Variants in ERH observed in about 807,000 individuals in gnomAD.
The protein encoded by ERH is enhancer of rudimentary homolog.
In ERH, 1 loss-of-function variant was observed where a neutral mutation model predicts 16.8. The observed-to-expected ratio is 0.06, with a 90% CI of 0.02 to 0.28. ERH has a LOEUF of 0.28. Ranked by LOEUF, ERH falls within the 10% of genes least tolerant of loss-of-function variation. ERH has a pLI of 1.00. For missense variants in ERH, 42 were observed against 127.5 expected, an observed-to-expected ratio of 0.33 and a Z score of 3.23; for synonymous variants, 43 against 43.6, an observed-to-expected ratio of 0.99 and a Z score of 0.05.
At chr14:69,387,797 C>T (rs1313937250) in intron 2 of ERH, among the ~76,000 whole-genome samples, 1 of 151,988 alleles carries the variant, frequency 6.6e-6, no homozygotes, top group Non-Finnish European at 1.5e-5. Flanking sequence ...GTAATCCCAG[C>T]ACTTTGGGAG....
At chr14:69,385,131 G>A (rs1250937853) in intron 3 of ERH, among the ~76,000 whole-genome samples, 1 of 152,148 alleles carries the variant, frequency 6.6e-6, no homozygotes, top group Non-Finnish European at 1.5e-5. Context: ...AGTCGTTGCT[G>A]TTGTCCTCAT....
chr14:69,393,424 A>G (rs1359623650), intron 2 of ERH, among the ~76,000 whole-genome samples: 1 of 152,224 alleles, frequency 6.6e-6, no homozygotes, highest in Non-Finnish European at 1.5e-5. Context: ...ATGACTAGAC[A>G]AAGGAAATGT....
At chr14:69,383,750 A>AGG (rs2045876300) in intron 3 of ERH, among the ~76,000 whole-genome samples, 2 of 152,252 alleles carry the variant, frequency 1.3e-5, no homozygotes, top group Non-Finnish European at 2.9e-5. Context: ...GGGAAGAATT[A>AGG]TCTAGGTAAT....
chr14:69,386,650 TGGCTTTAA>T (rs2045895134), intron 3 of ERH: 2 of 203,810 alleles, frequency 9.8e-6, no homozygotes, highest in Non-Finnish European at 2.0e-5. Context: ...CCAAAACCAA[TGGCTTTAA>T]GACAAAGACT....
chr14:69,384,922 A>G (rs2045882319), intron 3 of ERH, among the ~76,000 whole-genome samples: 1 of 151,920 alleles, frequency 6.6e-6, no homozygotes, highest in Non-Finnish European at 1.5e-5. Flanking sequence ...CTCATCTCCT[A>G]CCCTCTCTTG....
At chr14:69,394,481 A>G (rs575659065) in intron 2 of ERH, among the ~76,000 whole-genome samples, 1 of 152,336 alleles carries the variant, frequency 6.6e-6, no homozygotes, top group Non-Finnish European at 1.5e-5. Context: ...CTGTAGTCCC[A>G]GCTACTTGGG....
intron 2 of ERH, among the ~76,000 whole-genome samples, chr14:69,394,014 G>T (rs545091488): frequency 4.0e-5 from 6 of 149,346 alleles, no homozygotes; most frequent in Admixed American, 4.0e-4. Flanking sequence ...GCAAGACCCC[G>T]TGTCTTAAGG....
intron 2 of ERH, among the ~76,000 whole-genome samples, chr14:69,393,552 A>G (rs993452816): frequency 2.6e-5 from 4 of 152,242 alleles, no homozygotes; most frequent in Non-Finnish European, 4.4e-5. Context: ...TCTCAAGTGA[A>G]GTAACTCAGA....
intron 2 of ERH, 136 bp downstream of exon 2, chr14:69,394,688 TC>T (rs1882295323): frequency 3.6e-6 from 2 of 559,944 alleles, no homozygotes; most frequent in Non-Finnish European, 6.3e-6. Flanking sequence ...AATTAGCAAT[TC>T]AATAAATTTG....
intron 2 of ERH, among the ~76,000 whole-genome samples, chr14:69,391,683 C>G (rs537995618): frequency 1.6e-3 from 163 of 101,760 alleles, no homozygotes; most frequent in Non-Finnish European, 2.7e-3. Flanking sequence ...AAAAAAAAAG[C>G]ATATTGCTAG....
In ERH at chr14:69,386,064, G is replaced by C. The variant is rs529765745; in HGVS notation, c.212+899C>G. Among the ~76,000 whole-genome samples, 3 of 152,300 alleles carry C rather than the reference G, an allele frequency of 2.0e-5. No individual in the cohort carries two copies. The South Asian group carries it at 6.2e-4, about 32-fold the overall frequency. Reference sequence around the variant, plus strand: ...CCTATAGATGTCTGAATGGCTTAAAGTACCATGCAACATTCATTTGAATGT... The same window carrying C: ...CCTATAGATGTCTGAATGGCTTAAACTACCATGCAACATTCATTTGAATGT... On this transcript the variant is annotated intron_variant, in intron 3 of 3. Coordinates refer to ENST00000557016, the MANE Select transcript of ERH (RefSeq NM_004450.3).
At chr14:69,380,676 G>C (rs777343678) in intron 3 of ERH, 36 bp from the exon 4 acceptor site, 2 of 1,185,916 alleles carry the variant, frequency 1.7e-6, no homozygotes, top group South Asian at 1.2e-5. Flanking sequence ...AGTCACAGTG[G>C]TCAATCACTG....
intron 2 of ERH, among the ~76,000 whole-genome samples, chr14:69,392,343 A>G (rs940083891): frequency 3.3e-5 from 5 of 152,208 alleles, no homozygotes; most frequent in Admixed American, 6.5e-5. Context: ...ATTTTTAGAA[A>G]AAGAGCTACC....
At chr14:69,382,701 T>G (rs186617658) in intron 3 of ERH, among the ~76,000 whole-genome samples, 2 of 147,874 alleles carry the variant, frequency 1.4e-5, no homozygotes, top group East Asian at 4.0e-4. Context: ...TAGCTGGGCG[T>G]GGTGGCGCGC....
chr14:69,395,916 G>T (rs1025461650), intron 1 of ERH, among the ~76,000 whole-genome samples: 3 of 152,116 alleles, frequency 2.0e-5, no homozygotes, highest in Admixed American at 1.3e-4. Context: ...GTGCTCACTG[G>T]GAAACATGTT....
At chr14:69,382,253 T>A (rs2045867422) in intron 3 of ERH, among the ~76,000 whole-genome samples, 1 of 152,254 alleles carries the variant, frequency 6.6e-6, no homozygotes, top group East Asian at 1.9e-4. Context: ...TTCCCATTTT[T>A]AAAAATGCTT....
In ERH at chr14:69,394,992, A is replaced by G. The variant is rs1369792513; in HGVS notation, c.4-80T>C. ...TGATAAAAAAAAATCCCCATTTGTAATGCAATAATGATTGCTAGTTATTAA... is the reference window on the plus strand; with the variant it reads ...TGATAAAAAAAAATCCCCATTTGTAGTGCAATAATGATTGCTAGTTATTAA... On this transcript the variant is annotated intron_variant, in intron 1 of 3. Transcript: ENST00000557016. The G allele has an allele frequency of 8.3e-6, 8 of 968,922 alleles. No homozygotes were observed. In the South Asian group the frequency reaches 1.1e-4, roughly 14 times the overall value. 60.0% of individuals were successfully genotyped at this position (968,922 alleles called of 1,614,324 possible). A position where few individuals can be genotyped will look rare whatever the true frequency, so the allele number is the denominator to read the frequency against.
chr14:69,390,685 T>TA (rs1389990303), intron 2 of ERH, among the ~76,000 whole-genome samples: 1 of 152,050 alleles, frequency 6.6e-6, no homozygotes, highest in African/African-American at 2.4e-5. Flanking sequence ...TTTATAAAAA[T>TA]AAAAAACTTT....
chr14:69,392,963 TC>T lies in ERH; in HGVS notation c.91+1861del, dbSNP rs370193184. On this transcript the variant is annotated intron_variant, in intron 2 of 3. Transcript: ENST00000557016. ...TCTACATCAATAGCAGGCAGAAATG[TC>T]AGCAGAGAAATGGATCTGTAAAGAG... is the stretch of plus-strand genomic sequence containing the variant. Among the ~76,000 whole-genome samples the T allele has an allele frequency of 3.1e-3, 477 of 152,272 alleles. 4 individuals carry two copies. The highest frequency in any genetic ancestry group is 0.011 in the African/African-American group (463 of 41,548).
Sources: gnomAD v4.1 joint callset for allele counts (sites outside exome capture counted in the v4.1 genomes callset) on GRCh38, gnomAD v4.1.1 for gene constraint, MANE v1.5 for transcripts, NCBI Gene and HGNC (gene_info 2026-07-23, HGNC 2026-07-21) for gene names.